EXT1: variants seen among roughly 807,000 people sequenced by gnomAD.
EXT1 encodes the protein exostosin glycosyltransferase 1, also known as exostosin-1.
Under a neutral mutation model 82.5 loss-of-function variants are expected in EXT1, and 20 were observed. That is an observed-to-expected ratio of 0.24 (90% CI 0.17 to 0.35). The LOEUF is 0.35. EXT1 is among the 10% of genes least tolerant of loss of function. EXT1 has a pLI of 1.00. For missense variants in EXT1, 757 were observed against 936.5 expected (o/e 0.81, Z 2.50); for synonymous variants, 348 against 350.8 (o/e 0.99, Z 0.09).
chr8:118,035,185 A>G (rs1816396681), intron 1 of EXT1, among the ~76,000 whole-genome samples: 2 of 152,160 alleles, frequency 1.3e-5, no homozygotes, highest in African/African-American at 4.8e-5. Context: ...CTTTTCATCC[A>G]TGGTGTAACT....
intron 1 of EXT1, among the ~76,000 whole-genome samples, chr8:117,927,215 C>A (rs1472180574): frequency 6.6e-6 from 1 of 151,810 alleles, no homozygotes; most frequent in Non-Finnish European, 1.5e-5. Flanking sequence ...TGCCAACTAG[C>A]AACAAAAATA....
At chr8:117,818,595 A>C in intron 6 of EXT1, 65 bp from the exon 7 acceptor site, 1 of 1,234,948 alleles carries the variant, frequency 8.1e-7, no homozygotes, top group South Asian at 1.2e-5. Flanking sequence ...TCCAACCCAA[A>C]GCCTCTTCTC....
chr8:117,941,715 T>C (rs1264650440), intron 1 of EXT1, among the ~76,000 whole-genome samples: 1 of 152,212 alleles, frequency 6.6e-6, no homozygotes, highest in Admixed American at 6.5e-5. Flanking sequence ...CCAGAATGGA[T>C]CCTTCTAAAA....
intron 1 of EXT1, among the ~76,000 whole-genome samples, chr8:117,867,260 G>GAAAATAAAAA (rs1812790144): frequency 1.0e-5 from 1 of 98,914 alleles, no homozygotes; most frequent in Non-Finnish European, 2.0e-5. Context: ...CTCCACCTCA[G>GAAAATAAAAA]AAAAAAAAAA....
At chr8:118,087,686 A>G (rs541884098) in intron 1 of EXT1, among the ~76,000 whole-genome samples, 6 of 152,264 alleles carry the variant, frequency 3.9e-5, no homozygotes, top group African/African-American at 1.4e-4. Flanking sequence ...ACAGAAAAAA[A>G]ATTTTTTAAT....
At chr8:117,976,756 G>T (rs1462837926) in intron 1 of EXT1, among the ~76,000 whole-genome samples, 1 of 152,170 alleles carries the variant, frequency 6.6e-6, no homozygotes, top group Non-Finnish European at 1.5e-5. Context: ...AATATGTTTA[G>T]ATATCTCAGT....
intron 3 of EXT1, among the ~76,000 whole-genome samples, chr8:117,831,351 A>G (rs1812096023): frequency 6.6e-6 from 1 of 152,220 alleles, no homozygotes; most frequent in African/African-American, 2.4e-5. Flanking sequence ...GGAAAACTTA[A>G]TTAATGTAAC....
At chr8:117,831,998 T>C (rs1039684852) in intron 3 of EXT1, among the ~76,000 whole-genome samples, 2 of 152,206 alleles carry the variant, frequency 1.3e-5, no homozygotes, top group African/African-American at 4.8e-5. Flanking sequence ...AAATAAAACA[T>C]TCTTTGAGAA....
chr8:117,938,915 C>A (rs1419871556), intron 1 of EXT1, among the ~76,000 whole-genome samples: 1 of 152,248 alleles, frequency 6.6e-6, no homozygotes, highest in Non-Finnish European at 1.5e-5. Flanking sequence ...CATCCTAGCA[C>A]ACATTCACTG....
chr8:117,968,383 G>T (rs535930963), intron 1 of EXT1, among the ~76,000 whole-genome samples: 1 of 151,964 alleles, frequency 6.6e-6, no homozygotes, highest in Non-Finnish European at 1.5e-5. Flanking sequence ...GCCTCCTAAA[G>T]TTCTGGGATT....
intron 1 of EXT1, among the ~76,000 whole-genome samples, chr8:118,035,366 T>C (rs1033966154): frequency 2.0e-5 from 3 of 152,154 alleles, no homozygotes; most frequent in African/African-American, 7.2e-5. Context: ...AACCACCCTC[T>C]TGGAATCTGC....
intron 1 of EXT1, among the ~76,000 whole-genome samples, chr8:118,053,663 A>C (rs2129928475): frequency 6.6e-6 from 1 of 152,336 alleles, no homozygotes; most frequent in Non-Finnish European, 1.5e-5. Flanking sequence ...CGGTGGCCTC[A>C]GTTACAATTT....
chr8:117,895,508 T>A (rs191143539), intron 1 of EXT1, among the ~76,000 whole-genome samples: 498 of 152,188 alleles, frequency 3.3e-3, no homozygotes, highest in Non-Finnish European at 5.4e-3. Flanking sequence ...CACTCAAAAA[T>A]CAAACAGAAA....
intron 1 of EXT1, among the ~76,000 whole-genome samples, chr8:117,882,933 T>C (rs933808170): frequency 7.5e-5 from 11 of 145,958 alleles, no homozygotes; most frequent in African/African-American, 1.5e-4. Flanking sequence ...GCCAAGATCA[T>C]GCCACTGCAC....
At chr8:117,801,359 C>T (rs1823164314) in intron 10 of EXT1, among the ~76,000 whole-genome samples, 1 of 152,176 alleles carries the variant, frequency 6.6e-6, no homozygotes, top group African/African-American at 2.4e-5. Context: ...ACTCAAGCTT[C>T]ATTCTTCAGC....
chr8:118,046,113 T>A (rs1816618384), intron 1 of EXT1, among the ~76,000 whole-genome samples: 1 of 149,320 alleles, frequency 6.7e-6, no homozygotes, highest in Non-Finnish European at 1.5e-5. Flanking sequence ...CTTTTTTTTT[T>A]TTTCTTTTTG....
intron 1 of EXT1, among the ~76,000 whole-genome samples, chr8:118,092,377 A>G (rs1350192823): frequency 6.6e-6 from 1 of 152,200 alleles, no homozygotes; most frequent in Non-Finnish European, 1.5e-5. Context: ...CCTATCAAGC[A>G]ACCTACCACC....
chr8:118,089,546 T>C (rs1186453285), intron 1 of EXT1, among the ~76,000 whole-genome samples: 4 of 152,230 alleles, frequency 2.6e-5, no homozygotes, highest in Admixed American at 6.5e-5. Flanking sequence ...ACTAAACTAT[T>C]CAAGGTGGTT....
chr8:118,012,768 T>G (rs956248179), intron 1 of EXT1, among the ~76,000 whole-genome samples: 1 of 152,168 alleles, frequency 6.6e-6, no homozygotes, highest in African/African-American at 2.4e-5. Flanking sequence ...CAATCTAACA[T>G]TAACCAAAAC....
Sources: allele counts gnomAD v4.1 joint callset (sites outside exome capture counted in the v4.1 genomes callset), GRCh38; gene constraint gnomAD v4.1.1; transcripts MANE v1.5; gene names NCBI Gene and HGNC (gene_info 2026-07-23, HGNC 2026-07-21).